PTPRN2: variants seen among roughly 807,000 people sequenced by gnomAD.
PTPRN2 encodes the protein protein tyrosine phosphatase receptor type N2, also known as receptor-type tyrosine-protein phosphatase N2.
A neutral mutation model predicts 118.8 loss-of-function variants in PTPRN2; 74 were observed. The ratio of observed to expected loss-of-function variants is 0.62; its 90% confidence interval spans 0.52 to 0.76. The LOEUF (loss-of-function observed/expected upper bound fraction) is 0.76, where lower values mean the gene tolerates loss of function less well. Ranked by LOEUF, PTPRN2 falls within the 30% of genes least tolerant of loss-of-function variation. The pLI is 0.00. For missense variants in PTPRN2, 1,481 were observed against 1,394.4 expected (o/e 1.06, Z -0.99); for synonymous variants, 641 against 608.0 (o/e 1.05, Z -0.80).
At chr7:158,132,818 CAT>C (rs1442509132) in intron 9 of PTPRN2, among the ~76,000 whole-genome samples, 4 of 151,292 alleles carry the variant, frequency 2.6e-5, no homozygotes, top group African/African-American at 9.8e-5. Context: ...GATACACACA[CAT>C]CTACCCAACA....
At chr7:158,358,145 G>A (rs539482279) in intron 2 of PTPRN2, among the ~76,000 whole-genome samples, 8 of 152,200 alleles carry the variant, frequency 5.3e-5, no homozygotes, top group Non-Finnish European at 8.8e-5. Context: ...CCCTGCAGGC[G>A]GGGACTGGGT....
At chr7:158,353,602 G>A (rs952621549) in intron 2 of PTPRN2, among the ~76,000 whole-genome samples, 1 of 152,140 alleles carries the variant, frequency 6.6e-6, no homozygotes, top group African/African-American at 2.4e-5. Context: ...CTGAGATGCT[G>A]AGATGGTCAC....
At position 157,861,412 on chromosome 7, in the gene PTPRN2, T is replaced by C. The variant is rs1810231666; in HGVS notation, c.1788+37261A>G. Reference sequence around the variant, plus strand: ...GGGCAGTGGCTTCTGTGTTTTGCCGTCGAGGTGCAACATGCAGCTGGTGAT... The same window carrying C: ...GGGCAGTGGCTTCTGTGTTTTGCCGCCGAGGTGCAACATGCAGCTGGTGAT... On this transcript the variant is annotated intron_variant, in intron 12 of 22. Transcript: ENST00000389418. The surrounding 1 kb of genome is among the most constrained non-coding windows in gnomAD (Gnocchi z 5.8). 6.6e-6 allele frequency among the ~76,000 whole-genome samples: 1 copy of C among 152,208 alleles called. No individual in the cohort carries two copies. The highest frequency in any genetic ancestry group is 2.4e-5 in the African/African-American group (1 of 41,442).
intron 1 of PTPRN2, among the ~76,000 whole-genome samples, chr7:158,500,540 A>T (rs1003139720): frequency 2.0e-5 from 3 of 152,182 alleles, no homozygotes; most frequent in African/African-American, 2.4e-5. Context: ...TTGGGCTCAA[A>T]AACATTTGAA....
intron 12 of PTPRN2, among the ~76,000 whole-genome samples, chr7:157,870,200 T>C (rs542913475): frequency 3.3e-5 from 5 of 152,242 alleles, no homozygotes; most frequent in Non-Finnish European, 4.4e-5. Flanking sequence ...GCCAGAATTA[T>C]GTAAGCTGAA....
intron 1 of PTPRN2, among the ~76,000 whole-genome samples, chr7:158,550,817 C>T (rs1826602628): frequency 6.6e-6 from 1 of 152,214 alleles, no homozygotes; most frequent in Non-Finnish European, 1.5e-5. Context: ...TTTTTAAATC[C>T]TGCTGCTGAA....
rs1416939899 is a variant in PTPRN2, at chr7:157,974,262, ATCTCCAGC to A, written c.1724-75533_1724-75526del. Among the ~76,000 whole-genome samples the A allele has an allele frequency of 9.2e-5, 14 of 152,098 alleles. No homozygotes were observed. The highest frequency in any genetic ancestry group is 1.9e-4 in the Non-Finnish European group (13 of 67,956). ...GTTTGCCTCCCACTAGCATTTTCTCATCTCCAGCACGGTGTCAATGGTGCCACTCCAGC... is the reference window on the plus strand; with the variant it reads ...GTTTGCCTCCCACTAGCATTTTCTCAACGGTGTCAATGGTGCCACTCCAGC... On this transcript the variant is annotated intron_variant, in intron 11 of 22. Transcript: ENST00000389418. This position sits in a 1 kb window ranked among gnomAD's most constrained non-coding sequence, Gnocchi z 4.0.
intron 14 of PTPRN2, among the ~76,000 whole-genome samples, chr7:157,642,980 C>T (rs1468488075): frequency 6.6e-6 from 1 of 152,254 alleles, no homozygotes; most frequent in East Asian, 1.9e-4. Context: ...CCCACCTTCT[C>T]TGGAGCCCAA....
At chr7:158,386,884 C>T (rs976215498) in intron 2 of PTPRN2, among the ~76,000 whole-genome samples, 26 of 152,256 alleles carry the variant, frequency 1.7e-4, no homozygotes, top group African/African-American at 5.1e-4. Flanking sequence ...TAGCAATCTG[C>T]CACCCTGGGA....
chr7:158,258,429 A>G (rs1184619515), intron 3 of PTPRN2, among the ~76,000 whole-genome samples: 1 of 141,236 alleles, frequency 7.1e-6, no homozygotes. Context: ...TTTAATTTAA[A>G]TTTCTATGAA....
intron 6 of PTPRN2, among the ~76,000 whole-genome samples, chr7:158,157,189 T>C (rs1821903662): frequency 6.6e-6 from 1 of 152,238 alleles, no homozygotes; most frequent in Non-Finnish European, 1.5e-5. Flanking sequence ...CTGTTCCATG[T>C]GGCTCTGGAA....
intron 21 of PTPRN2, among the ~76,000 whole-genome samples, chr7:157,552,654 G>GT (rs1247725924): frequency 2.6e-5 from 4 of 152,222 alleles, no homozygotes; most frequent in South Asian, 2.1e-4. Context: ...AATTAAAAAC[G>GT]TAAGATGTCT....
chr7:157,624,809 G>A (rs1803472976), intron 14 of PTPRN2, among the ~76,000 whole-genome samples: 1 of 152,132 alleles, frequency 6.6e-6, no homozygotes, highest in Non-Finnish European at 1.5e-5. Flanking sequence ...AACAGTATTT[G>A]TGGCTTTTCC....
chr7:158,037,033 A>G lies in PTPRN2; in HGVS notation c.1723+44265T>C, dbSNP rs1808129481. ...TTATAACAAATATAAGATTCCTTCA[A>G]AGATACAGGTCACAAGGTCAAAATA... is the stretch of plus-strand genomic sequence containing the variant. On this transcript the variant is annotated intron_variant, in intron 11 of 22. Transcript: ENST00000389418. Among the ~76,000 whole-genome samples the G allele has an allele frequency of 3.3e-5, 5 of 152,354 alleles. No homozygotes were observed. In the South Asian group the frequency reaches 1.0e-3, roughly 32 times the overall value.
intron 12 of PTPRN2, among the ~76,000 whole-genome samples, chr7:157,717,745 A>G (rs2150906145): frequency 6.6e-6 from 1 of 152,352 alleles, no homozygotes. Context: ...CAGCAGGCAC[A>G]TCCCGACCTG....
intron 14 of PTPRN2, among the ~76,000 whole-genome samples, chr7:157,654,320 C>T (rs1244714634): frequency 6.7e-6 from 1 of 148,228 alleles, no homozygotes; most frequent in Non-Finnish European, 1.5e-5. Context: ...CAACTCCACA[C>T]TGTGCCCGCC....
chr7:158,142,395 C>T (rs755545396), intron 6 of PTPRN2, among the ~76,000 whole-genome samples: 11 of 152,220 alleles, frequency 7.2e-5, no homozygotes, highest in African/African-American at 9.6e-5. Flanking sequence ...ATCCCTGTAT[C>T]GACCCATGGC....
rs544209161 is a variant in PTPRN2 at position 158,574,710 on chromosome 7, G to A, written c.112+12848C>T. The stretch of plus-strand genomic sequence containing the variant: ...CTTTCTTTCTTTTAAAGTTTGTTCT[G>A]CCATAATTTAGGCCAAATTCTTCCT... On this transcript the variant is annotated intron_variant, in intron 1 of 22. Coordinates refer to ENST00000389418, the MANE Select transcript of PTPRN2 (RefSeq NM_002847.5). This position sits in a 1 kb window ranked among gnomAD's most constrained non-coding sequence, Gnocchi z 4.6. Among the ~76,000 whole-genome samples, 7 of 152,370 alleles carry A rather than the reference G, an allele frequency of 4.6e-5. No individual in the cohort carries two copies. Among genetic ancestry groups the A allele is most frequent in the Non-Finnish European group, 7.3e-5 (5 of 68,036 alleles).
intron 12 of PTPRN2, among the ~76,000 whole-genome samples, chr7:157,702,420 C>T (rs959055275): frequency 3.9e-5 from 6 of 152,192 alleles, no homozygotes; most frequent in Non-Finnish European, 5.9e-5. Context: ...AAAGCCTGGT[C>T]GGTGCTGGTG....
Sources: gnomAD v4.1 joint callset for allele counts (sites outside exome capture counted in the v4.1 genomes callset) on GRCh38, gnomAD v4.1.1 for gene constraint, Gnocchi (gnomAD v3.1) non-coding constraint, MANE v1.5 for transcripts, NCBI Gene and HGNC (gene_info 2026-07-23, HGNC 2026-07-21) for gene names.